Variants in USH2A observed in about 807,000 individuals in gnomAD.
USH2A encodes usherin.
Under a neutral mutation model 538.9 loss-of-function variants are expected in USH2A, and 443 were observed. The observed-to-expected ratio is 0.82, with a 90% CI of 0.76 to 0.89. The LOEUF (loss-of-function observed/expected upper bound fraction) is 0.89. Ranked by LOEUF, USH2A falls within the 40% of genes least tolerant of loss-of-function variation. The probability of loss-of-function intolerance (pLI) is 0.00; values close to 1 mark genes in which losing one functional copy is unlikely to be tolerated. For synonymous variants in USH2A, 2,413 were observed against 2,273.5 expected (o/e 1.06, Z -1.75); for missense variants, 6,633 against 6,324.8 (o/e 1.05, Z -1.65).
At chr1:215,702,951 T>G (rs1659077284) in intron 61 of USH2A, among the ~76,000 whole-genome samples, 1 of 152,158 alleles carries the variant, frequency 6.6e-6, no homozygotes. Flanking sequence ...CATGGATTTA[T>G]CTACCTTTAT....
chr1:216,422,479 C>G lies in USH2A; in HGVS notation c.-143G>C. On this transcript the variant is annotated 5_prime_UTR_variant, in exon 2 of 72. It removes the in-frame stop codon of an upstream open reading frame in the 5' UTR. Coordinates refer to ENST00000307340, the MANE Select transcript of USH2A (RefSeq NM_206933.4). ...TTTCTGGAAACTGCAGACACGTTCT[C>G]AGAGTAAGGTAATACCAACGACGTT... 1 of 1,243,262 alleles carries G rather than the reference C, an allele frequency of 8.0e-7. No homozygotes were observed. The highest frequency in any genetic ancestry group is 1.1e-6 in the Non-Finnish European group (1 of 882,534). 77.0% of individuals were successfully genotyped at this position (1,243,262 alleles called of 1,614,324 possible). A position where few individuals can be genotyped will look rare whatever the true frequency, so the allele number is the denominator to read the frequency against.
chr1:216,128,688 A>T (rs994254504), intron 21 of USH2A, among the ~76,000 whole-genome samples: 7 of 152,084 alleles, frequency 4.6e-5, no homozygotes, highest in African/African-American at 1.7e-4. Flanking sequence ...ATGTATAATG[A>T]TCAAATCAGG....
chr1:216,366,590 C>A (rs79333975), intron 3 of USH2A, among the ~76,000 whole-genome samples: 9,636 of 151,554 alleles, frequency 0.064, 342 homozygotes, highest in Middle Eastern at 0.1. Flanking sequence ...TGTCCCCCCC[C>A]AAAAAAACAA....
At chr1:216,192,542 T>TA (rs964512663) in intron 19 of USH2A, among the ~76,000 whole-genome samples, 16 of 148,506 alleles carry the variant, frequency 1.1e-4, no homozygotes, top group Admixed American at 2.7e-4. Context: ...AAATAAAAAT[T>TA]AAAAAAAAAA....
At chr1:215,798,820 T>C in intron 50 of USH2A, 87 bp downstream of exon 50, 3 of 1,462,312 alleles carry the variant, frequency 2.1e-6, no homozygotes, top group Non-Finnish European at 2.9e-6. Context: ...CTTTAATTAC[T>C]TATTTGTTTT....
intron 37 of USH2A, among the ~76,000 whole-genome samples, chr1:215,957,017 T>C (rs1183848631): frequency 6.6e-6 from 1 of 152,172 alleles, no homozygotes; most frequent in Non-Finnish European, 1.5e-5. Context: ...TAATTTGTAG[T>C]CCAGAAAAAA....
At chr1:216,049,690 A>C (rs2030673518) in intron 30 of USH2A, among the ~76,000 whole-genome samples, 1 of 152,114 alleles carries the variant, frequency 6.6e-6, no homozygotes, top group African/African-American at 2.4e-5. Context: ...TTTAATATAC[A>C]TGTTTCCATA....
At chr1:215,771,545 A>T (rs1243651988) in intron 55 of USH2A, among the ~76,000 whole-genome samples, 2 of 123,502 alleles carry the variant, frequency 1.6e-5, no homozygotes, top group East Asian at 5.6e-4. Flanking sequence ...CCGCCACTGC[A>T]CTCCAGCCTG....
intron 6 of USH2A, among the ~76,000 whole-genome samples, chr1:216,325,038 G>A (rs1208456766): frequency 6.6e-6 from 1 of 152,084 alleles, no homozygotes; most frequent in Non-Finnish European, 1.5e-5. Flanking sequence ...AAACAAGGAA[G>A]GACACCATGT....
At chr1:215,935,712 T>G (rs1007310481) in intron 37 of USH2A, among the ~76,000 whole-genome samples, 1 of 152,054 alleles carries the variant, frequency 6.6e-6, no homozygotes, top group Non-Finnish European at 1.5e-5. Context: ...TGTAACATTT[T>G]CTATATTAGA....
At chr1:215,768,062 C>T (rs760748208) in intron 55 of USH2A, among the ~76,000 whole-genome samples, 5 of 151,876 alleles carry the variant, frequency 3.3e-5, no homozygotes, top group Admixed American at 6.6e-5. Context: ...AATGACTGTT[C>T]CTTCAGAGAT....
intron 43 of USH2A, among the ~76,000 whole-genome samples, chr1:215,871,849 G>T (rs1387751905): frequency 1.3e-5 from 2 of 152,154 alleles, no homozygotes; most frequent in East Asian, 1.9e-4. Context: ...ATAAGAAGTG[G>T]TATTTTATCC....
chr1:215,719,594 T>C (rs1222261997), intron 61 of USH2A, among the ~76,000 whole-genome samples: 1 of 152,184 alleles, frequency 6.6e-6, no homozygotes, highest in African/African-American at 2.4e-5. Flanking sequence ...AACCAGAACC[T>C]TATCTACATT....
At chr1:216,109,678 T>C (rs2032819933) in intron 21 of USH2A, among the ~76,000 whole-genome samples, 1 of 152,206 alleles carries the variant, frequency 6.6e-6, no homozygotes, top group Non-Finnish European at 1.5e-5. Context: ...AGTCAATTTG[T>C]AGATTGTTCA....
chr1:215,900,192 A>T lies in USH2A; in HGVS notation c.7477T>A (p.Leu2493Ile). The part of the protein sequence containing the change: ...LELFSNPSAS[L>I]SYEVSDLQPY... ...TGGAGATCACTCACTTCATAGCTTAACGATGCAGAAGGATTGGAAAATAAC... is the reference window on the plus strand; with the variant it reads ...TGGAGATCACTCACTTCATAGCTTATCGATGCAGAAGGATTGGAAAATAAC... Residue 2493 changes from leucine to isoleucine, a missense_variant, in exon 40 of 72, where the codon TTA becomes ATA. Leu to Ile is a conservative substitution (Grantham distance 5, BLOSUM62 2). Transcript: ENST00000307340. 1 of 1,613,716 alleles carries T rather than the reference A, an allele frequency of 6.2e-7. No individual in the cohort carries two copies.
At chr1:215,955,134 A>G (rs560569945) in intron 37 of USH2A, among the ~76,000 whole-genome samples, 48 of 152,260 alleles carry the variant, frequency 3.2e-4, no homozygotes, top group Non-Finnish European at 5.7e-4. Context: ...TTATATTTCT[A>G]TATGATTACT....
At chr1:216,061,233 T>C (rs978923399) in intron 30 of USH2A, among the ~76,000 whole-genome samples, 3 of 152,204 alleles carry the variant, frequency 2.0e-5, no homozygotes, top group Non-Finnish European at 4.4e-5. Context: ...ACTATTCTGT[T>C]TTCTTCAGTT....
intron 38 of USH2A, 26 bp downstream of exon 38, chr1:215,934,590 G>C (rs1666443295): frequency 6.2e-7 from 1 of 1,606,876 alleles, no homozygotes; most frequent in Non-Finnish European, 8.5e-7. Flanking sequence ...TATAAAATTA[G>C]ATAGCCAACA....
At chr1:215,914,142 C>G (rs1665889176) in intron 38 of USH2A, among the ~76,000 whole-genome samples, 1 of 126,378 alleles carries the variant, frequency 7.9e-6, no homozygotes, top group South Asian at 2.5e-4. Flanking sequence ...GGTGCAATTT[C>G]TGCTCACTGC....
Sources: gnomAD v4.1 joint callset for allele counts (sites outside exome capture counted in the v4.1 genomes callset) on GRCh38, gnomAD v4.1.1 for gene constraint, MANE v1.5 for transcripts, NCBI Gene and HGNC (gene_info 2026-07-23, HGNC 2026-07-21) for gene names.